The following CNTNAP2 variants were observed in gnomAD, a reference collection of about 807,000 sequenced individuals.
The protein encoded by CNTNAP2 is contactin-associated protein-like 2.
In CNTNAP2, 98 loss-of-function variants were observed where a neutral mutation model predicts 155.2. That is an observed-to-expected ratio of 0.63 (90% CI 0.54 to 0.75). CNTNAP2 has a LOEUF of 0.75. CNTNAP2 is among the 30% of genes least tolerant of loss of function. The pLI is 0.00. For missense variants in CNTNAP2, 1,727 were observed against 1,688.1 expected (o/e 1.02, Z -0.40); for synonymous variants, 651 against 631.2 (o/e 1.03, Z -0.47).
At chr7:147,291,260 A>T (rs1584850330) in intron 8 of CNTNAP2, among the ~76,000 whole-genome samples, 1 of 151,944 alleles carries the variant, frequency 6.6e-6, no homozygotes, top group African/African-American at 2.4e-5. Context: ...CTATCAACCC[A>T]TCATCTAGGT....
intron 1 of CNTNAP2, among the ~76,000 whole-genome samples, chr7:146,575,347 C>T (rs1798508618): frequency 6.6e-6 from 1 of 152,124 alleles, no homozygotes; most frequent in Non-Finnish European, 1.5e-5. Context: ...AAACTCTTGA[C>T]CTTGTGATCC....
chr7:146,918,701 G>C (rs1372475495), intron 3 of CNTNAP2, among the ~76,000 whole-genome samples: 1 of 152,150 alleles, frequency 6.6e-6, no homozygotes, highest in Non-Finnish European at 1.5e-5. Context: ...TGTTTTTTGA[G>C]CTTCTTGTAT....
chr7:146,837,581 A>G (rs757840824), intron 2 of CNTNAP2, among the ~76,000 whole-genome samples: 16 of 152,020 alleles, frequency 1.1e-4, no homozygotes, highest in Non-Finnish European at 2.4e-4. Flanking sequence ...TGGTTCTAAG[A>G]CATATTTTCC....
intron 8 of CNTNAP2, among the ~76,000 whole-genome samples, chr7:147,264,809 C>T (rs939513810): frequency 2.6e-5 from 4 of 151,906 alleles, no homozygotes; most frequent in African/African-American, 9.7e-5. Flanking sequence ...ACAGTGTTCC[C>T]CTGCTTAATT....
chr7:146,543,354 T>C (rs529560684), intron 1 of CNTNAP2, among the ~76,000 whole-genome samples: 1 of 151,972 alleles, frequency 6.6e-6, no homozygotes, highest in Non-Finnish European at 1.5e-5. Context: ...GACTTTGACA[T>C]ACATAAACCT....
rs1473458080 is a variant in CNTNAP2 at position 146,843,214 on chromosome 7, T to G, written c.402+3310T>G. Among the ~76,000 whole-genome samples, 197 of 127,476 alleles carry G rather than the reference T, an allele frequency of 1.5e-3. 4 individuals carry two copies. Among genetic ancestry groups the G allele is most frequent in the African/African-American group, 5.5e-3 (168 of 30,818 alleles). The allele number at this position is 127,476 out of a possible 152,430, so 83.6% of individuals were successfully genotyped here. Reference sequence around the variant, plus strand: ...TTTTTAGTAGAGACGGGGTTTCACCTTGTTAGCCAGGATGGTCTCGATCTC... The same window carrying G: ...TTTTTAGTAGAGACGGGGTTTCACCGTGTTAGCCAGGATGGTCTCGATCTC... On this transcript the variant is annotated intron_variant, in intron 3 of 23. Transcript: ENST00000361727.
At chr7:147,712,531 C>T (rs867376436) in intron 13 of CNTNAP2, among the ~76,000 whole-genome samples, 26 of 152,234 alleles carry the variant, frequency 1.7e-4, no homozygotes, top group African/African-American at 4.3e-4. Flanking sequence ...ATTAAGCAAA[C>T]GTGGCACATA....
chr7:147,313,828 C>T (rs1795173960), intron 9 of CNTNAP2, among the ~76,000 whole-genome samples: 1 of 151,624 alleles, frequency 6.6e-6, no homozygotes, highest in Admixed American at 6.6e-5. Flanking sequence ...ATGGGGATGG[C>T]ATTGAATCTA....
At chr7:147,357,205 A>T (rs1180761333) in intron 9 of CNTNAP2, among the ~76,000 whole-genome samples, 4 of 152,056 alleles carry the variant, frequency 2.6e-5, no homozygotes, top group Non-Finnish European at 5.9e-5. Flanking sequence ...CTGATAAGTG[A>T]ACTTGAAATC....
intron 1 of CNTNAP2, among the ~76,000 whole-genome samples, chr7:146,416,363 G>C (rs1206405417): frequency 6.6e-6 from 1 of 151,588 alleles, no homozygotes; most frequent in Non-Finnish European, 1.5e-5. Flanking sequence ...CTCCATTTCC[G>C]ACCTGGGTCA....
At chr7:147,876,835 T>G (rs2116708938) in intron 13 of CNTNAP2, among the ~76,000 whole-genome samples, 1 of 152,200 alleles carries the variant, frequency 6.6e-6, no homozygotes, top group Middle Eastern at 3.4e-3. Context: ...GTCTGTGGGC[T>G]TGCAAGAACA....
intron 1 of CNTNAP2, among the ~76,000 whole-genome samples, chr7:146,749,113 A>G (rs1801860267): frequency 6.6e-6 from 1 of 152,182 alleles, no homozygotes; most frequent in South Asian, 2.1e-4. Context: ...TCACACACAT[A>G]TATAACATAT....
At chr7:146,601,799 C>T (rs1177924278) in intron 1 of CNTNAP2, among the ~76,000 whole-genome samples, 1 of 151,942 alleles carries the variant, frequency 6.6e-6, no homozygotes, top group Non-Finnish European at 1.5e-5. Flanking sequence ...AATTATTATA[C>T]ATAGGAAATG....
chr7:148,224,466 G>A (rs1795809305), intron 19 of CNTNAP2, among the ~76,000 whole-genome samples: 1 of 152,220 alleles, frequency 6.6e-6, no homozygotes, highest in Non-Finnish European at 1.5e-5. Context: ...TGTAAAAAGT[G>A]ACAGTGAGTG....
intron 3 of CNTNAP2, among the ~76,000 whole-genome samples, chr7:146,861,844 T>C (rs1795108200): frequency 6.6e-6 from 1 of 152,172 alleles, no homozygotes; most frequent in South Asian, 2.1e-4. Context: ...ATTTAAAAGA[T>C]ATCGTATTTA....
At chr7:146,289,428 T>A (rs938410535) in intron 1 of CNTNAP2, among the ~76,000 whole-genome samples, 3 of 152,212 alleles carry the variant, frequency 2.0e-5, no homozygotes, top group Admixed American at 2.0e-4. Context: ...TTGACTGTGT[T>A]TATGCTTAAT....
chr7:147,496,186 A>G (rs1798704862), intron 11 of CNTNAP2, among the ~76,000 whole-genome samples: 1 of 137,846 alleles, frequency 7.3e-6, no homozygotes, highest in South Asian at 2.4e-4. Context: ...ATAAATTGCA[A>G]AATAAATGTA....
intron 16 of CNTNAP2, among the ~76,000 whole-genome samples, chr7:148,125,421 C>G (rs535454085): frequency 6.6e-6 from 1 of 152,104 alleles, no homozygotes; most frequent in Non-Finnish European, 1.5e-5. Context: ...CCGCCCTCCA[C>G]GCTTAGTACA....
chr7:148,090,937 T>G (rs1803827717), intron 15 of CNTNAP2, among the ~76,000 whole-genome samples: 1 of 152,154 alleles, frequency 6.6e-6, no homozygotes, highest in Admixed American at 6.5e-5. Flanking sequence ...TGGATGTACC[T>G]GGAGACCATT....
Sources: allele counts gnomAD v4.1 joint callset (sites outside exome capture counted in the v4.1 genomes callset), GRCh38; gene constraint gnomAD v4.1.1; transcripts MANE v1.5; gene names NCBI Gene and HGNC (gene_info 2026-07-23, HGNC 2026-07-21).